Variants in SYTL4 observed in about 807,000 individuals in gnomAD.
The protein encoded by SYTL4 is synaptotagmin like 4.
A neutral mutation model predicts 52.7 loss-of-function variants in SYTL4; 16 were observed. That is an observed-to-expected ratio of 0.30 (90% CI 0.21 to 0.46). The LOEUF (loss-of-function observed/expected upper bound fraction) is 0.46. SYTL4 is among the 20% of genes least tolerant of loss of function. SYTL4 has a pLI of 1.00. For missense variants in SYTL4, 423 were observed against 519.9 expected, an observed-to-expected ratio of 0.81 and a Z score of 1.81; for synonymous variants, 160 against 186.6, an observed-to-expected ratio of 0.86 and a Z score of 1.16.
chrX:100,717,224 A>G (rs2084244642), intron 2 of SYTL4, among the ~76,000 whole-genome samples: 2 of 106,594 alleles, frequency 1.9e-5, no homozygotes, highest in African/African-American at 6.8e-5. Context: ...CAGAGTTCAC[A>G]GTTTAGTAAC....
chrX:100,689,708 G>A, intron 12 of SYTL4, 148 bp downstream of exon 12: 1 of 269,830 alleles, frequency 3.7e-6, no homozygotes, highest in Non-Finnish European at 6.9e-6. Context: ...TCAGGAACCA[G>A]ATTTACTTTA....
At chrX:100,700,227 T>C (rs1235586999) in intron 8 of SYTL4, among the ~76,000 whole-genome samples, 1 of 111,899 alleles carries the variant, frequency 8.9e-6, no homozygotes, top group Non-Finnish European at 1.9e-5. Context: ...AGTATGTGAA[T>C]TATATATATC....
chrX:100,688,229 C>A (rs1372399820), intron 13 of SYTL4, 122 bp downstream of exon 13: 6 of 542,515 alleles, frequency 1.1e-5, no homozygotes, highest in Non-Finnish European at 1.9e-5. Flanking sequence ...AACAAATGAT[C>A]TTACTTACCT....
chrX:100,687,904 T>C (rs1198907304), intron 13 of SYTL4: 2 of 115,536 alleles, frequency 1.7e-5, no homozygotes, highest in Non-Finnish European at 3.6e-5. Flanking sequence ...TCTTAAATGT[T>C]CCCTTTAAAT....
chrX:100,678,606 G>A lies in SYTL4; in HGVS notation c.1659-7C>T, dbSNP rs774831882. 1.7e-6 allele frequency: 2 copies of A among 1,194,107 alleles called. No homozygotes were observed. Among genetic ancestry groups the A allele is most frequent in the East Asian group, 5.9e-5 (2 of 33,775 alleles). On this transcript the variant is annotated splice_region_variant and splice_polypyrimidine_tract_variant and intron_variant, in intron 18 of 19. Coordinates refer to ENST00000372989, the MANE Select transcript of SYTL4 (RefSeq NM_001370165.1). Reference sequence around the variant, plus strand: ...CCTCATGGGAAGGAGGTATCTGGCAGAGGGCGGGGAGTAATCAACAGCCTA... The same window carrying A: ...CCTCATGGGAAGGAGGTATCTGGCAAAGGGCGGGGAGTAATCAACAGCCTA...
intron 13 of SYTL4, chrX:100,687,659 T>C (rs1462127688): frequency 8.0e-6 from 1 of 125,687 alleles, no homozygotes; most frequent in Non-Finnish European, 1.6e-5. Context: ...GGGTTTCTCT[T>C]ATCCACCTTA....
At chrX:100,694,819 G>A (rs1279283992) in intron 8 of SYTL4, among the ~76,000 whole-genome samples, 3 of 111,777 alleles carry the variant, frequency 2.7e-5, no homozygotes, top group African/African-American at 9.8e-5. Flanking sequence ...GTCTTAGCCA[G>A]TAAAGAATAA....
intron 2 of SYTL4, among the ~76,000 whole-genome samples, chrX:100,723,743 A>G: frequency 1.0e-5 from 1 of 98,503 alleles, no homozygotes; most frequent in East Asian, 3.4e-4. Flanking sequence ...GCCCCGTCTG[A>G]GAAGTGAGGA....
In SYTL4 at chrX:100,730,983, A is replaced by C. The variant is rs148446568; in HGVS notation, c.-240+435T>G. Among the ~76,000 whole-genome samples the C allele has an allele frequency of 4.9e-3, 547 of 111,289 alleles. 5 individuals are homozygous for C. Among genetic ancestry groups the C allele is most frequent in the African/African-American group, 0.017 (522 of 30,585 alleles). Reference sequence around the variant, plus strand: ...GTTAAATATAGGAGGTCCAGGATGTACAGAAGACTCATTTTTGCCACAAAT... The same window carrying C: ...GTTAAATATAGGAGGTCCAGGATGTCCAGAAGACTCATTTTTGCCACAAAT... On this transcript the variant is annotated intron_variant, in intron 2 of 19. Transcript: ENST00000372989.
intron 8 of SYTL4, among the ~76,000 whole-genome samples, chrX:100,697,660 A>G (rs1297668313): frequency 8.9e-6 from 1 of 111,908 alleles, no homozygotes; most frequent in Admixed American, 9.5e-5. Context: ...CAAATACAAG[A>G]TGATAAAACA....
At position 100,701,979 on chromosome X, in the gene SYTL4, C is replaced by T. The variant is rs1440002661; in HGVS notation, c.59G>A (p.Ser20Asn). The T allele has an allele frequency of 8.3e-7, 1 of 1,208,868 alleles. No individual in the cohort carries two copies. Among genetic ancestry groups the T allele is most frequent in the African/African-American group, 1.8e-5 (1 of 56,979 alleles). The stretch of plus-strand genomic sequence containing the variant: ...GACCTCTTCATCTCGCTGTAGAACA[C>T]TGAGAATCAAATCCTTTTCCTCCTC... ...LSEEEKDLIL[S>N]VLQRDEEVRK... is the part of the protein sequence containing the mutation. Residue 20 changes from serine to asparagine, a missense_variant, in exon 5 of 20, where the codon AGT becomes AAT. Ser to Asn is a conservative substitution (Grantham distance 46). Coordinates refer to ENST00000372989, the MANE Select transcript of SYTL4 (RefSeq NM_001370165.1).
intron 16 of SYTL4, 80 bp from the exon 17 acceptor site, chrX:100,681,415 A>G (rs2083372494): frequency 5.4e-6 from 4 of 737,604 alleles, no homozygotes; most frequent in African/African-American, 2.1e-5. Flanking sequence ...AAATTCTAAA[A>G]TTACCCCCCA....
chrX:100,705,121 C>T (rs1319695926), intron 2 of SYTL4, among the ~76,000 whole-genome samples: 1 of 111,807 alleles, frequency 8.9e-6, no homozygotes, highest in Non-Finnish European at 1.9e-5. Context: ...CTGTATCTGC[C>T]CTAGCACTTA....
Position 100,678,570 on chromosome X carries a change from C to G in SYTL4, c.1688G>C (p.Ser563Thr), listed in dbSNP as rs781522142. 2.5e-6 allele frequency: 3 copies of G among 1,209,493 alleles called. No individual in the cohort carries two copies. The highest frequency in any genetic ancestry group is 3.4e-6 in the Non-Finnish European group (3 of 894,961). Residue 563 changes from serine to threonine, a missense_variant, in exon 19 of 20, where the codon AGT (serine) becomes ACT (threonine). Ser to Thr is a moderately conservative substitution (Grantham distance 58). Coordinates refer to ENST00000372989, the MANE Select transcript of SYTL4 (RefSeq NM_001370165.1). Reference protein sequence around the residue: ...GYLLPMRNKASKRKTPVMKKT... With the variant: ...GYLLPMRNKATKRKTPVMKKT... ...CTTCATCACAGGAGTTTTACGTTTA[C>G]TGGCCTTGTTCCTCATGGGAAGGAG...
intron 2 of SYTL4, among the ~76,000 whole-genome samples, chrX:100,708,266 T>C: frequency 9.0e-6 from 1 of 111,330 alleles, no homozygotes; most frequent in Non-Finnish European, 1.9e-5. Context: ...CAATTATACA[T>C]ATTTACTACT....
At chrX:100,730,113 T>C (rs1446869302) in intron 2 of SYTL4, among the ~76,000 whole-genome samples, 1 of 110,374 alleles carries the variant, frequency 9.1e-6, no homozygotes, top group Non-Finnish European at 1.9e-5. Flanking sequence ...CAGGCACACA[T>C]CCCTAGAATC....
At position 100,686,156 on chromosome X, in the gene SYTL4, G is replaced by A; in HGVS notation, c.1288-5C>T. The A allele has an allele frequency of 2.5e-6, 3 of 1,199,643 alleles. No homozygotes were observed. The highest frequency in any genetic ancestry group is 3.4e-6 in the Non-Finnish European group (3 of 889,863). On this transcript the variant is annotated splice_polypyrimidine_tract_variant and splice_region_variant and intron_variant, in intron 15 of 19. Coordinates refer to ENST00000372989, the MANE Select transcript of SYTL4 (RefSeq NM_001370165.1). The stretch of plus-strand genomic sequence containing the variant: ...GAGAGATTCTGGGATCTCATACTGT[G>A]AAGGGAAAGTAAAAGCCCAAGATGA...
intron 8 of SYTL4, among the ~76,000 whole-genome samples, chrX:100,698,355 G>C (rs780278369): frequency 9.0e-6 from 1 of 111,551 alleles, no homozygotes; most frequent in African/African-American, 3.3e-5. Context: ...CGCCCGCCTC[G>C]GCCTCCCAAA....
chrX:100,725,541 G>A (rs1028621586), intron 2 of SYTL4, among the ~76,000 whole-genome samples: 6 of 112,154 alleles, frequency 5.3e-5, no homozygotes, highest in Non-Finnish European at 9.4e-5. Flanking sequence ...AATTAGTAAG[G>A]CCTGTTAAAA....
Sources: gnomAD v4.1 joint callset for allele counts (sites outside exome capture counted in the v4.1 genomes callset) on GRCh38, gnomAD v4.1.1 for gene constraint, MANE v1.5 for transcripts, NCBI Gene and HGNC (gene_info 2026-07-23, HGNC 2026-07-21) for gene names.